Variants in HTR4 observed in about 807,000 individuals in gnomAD.
The protein encoded by HTR4 is 5-hydroxytryptamine (serotonin) receptor 4, G protein-coupled.
A neutral mutation model predicts 36.8 loss-of-function variants in HTR4; 16 were observed. That is an observed-to-expected ratio of 0.43 (90% CI 0.29 to 0.66). HTR4 has a LOEUF of 0.66. HTR4 is among the 30% of genes least tolerant of loss of function. HTR4 has a pLI of 0.13. For missense variants in HTR4, 438 were observed against 490.9 expected (o/e 0.89, Z 1.02); for synonymous variants, 189 against 185.1 (o/e 1.02, Z -0.17).
At chr5:148,534,148 A>G (rs889226880) in intron 4 of HTR4, among the ~76,000 whole-genome samples, 1 of 152,244 alleles carries the variant, frequency 6.6e-6, no homozygotes, top group Non-Finnish European at 1.5e-5. Context: ...ATAGATAACA[A>G]CAGGGTAAAC....
At chr5:148,506,319 A>G (rs1296294992) in intron 6 of HTR4, among the ~76,000 whole-genome samples, 2 of 152,242 alleles carry the variant, frequency 1.3e-5, no homozygotes, top group African/African-American at 4.8e-5. Context: ...CTGGCTAGCC[A>G]TAGGTAGAAA....
chr5:148,583,208 T>G (rs1332873217), intron 2 of HTR4, among the ~76,000 whole-genome samples: 55 of 149,720 alleles, frequency 3.7e-4, no homozygotes, highest in Non-Finnish European at 3.7e-4. Flanking sequence ...GGTTTTTGTC[T>G]TTGGTTCTGT....
At chr5:148,544,554 C>G (rs1488954953) in intron 4 of HTR4, among the ~76,000 whole-genome samples, 1 of 152,054 alleles carries the variant, frequency 6.6e-6, no homozygotes, top group Non-Finnish European at 1.5e-5. Flanking sequence ...ATCATGACTA[C>G]TTGGTTAGCT....
At chr5:148,493,061 T>C (rs1375920230) in intron 6 of HTR4, among the ~76,000 whole-genome samples, 3 of 152,206 alleles carry the variant, frequency 2.0e-5, no homozygotes, top group Non-Finnish European at 4.4e-5. Context: ...GCAGGTACAT[T>C]TTGCAAAAAG....
chr5:148,544,438 T>TC (rs979739772), intron 4 of HTR4, among the ~76,000 whole-genome samples: 3 of 152,214 alleles, frequency 2.0e-5, no homozygotes, highest in African/African-American at 7.2e-5. Flanking sequence ...TTGCTTTTTT[T>TC]CCCCCAACAT....
chr5:148,496,325 C>T (rs1180336957), intron 6 of HTR4, among the ~76,000 whole-genome samples: 23 of 151,946 alleles, frequency 1.5e-4, no homozygotes, highest in Non-Finnish European at 1.5e-5. Flanking sequence ...TACTAAGCTG[C>T]CAGATGATTC....
At chr5:148,561,835 A>C (rs1760227013) in intron 2 of HTR4, among the ~76,000 whole-genome samples, 1 of 152,188 alleles carries the variant, frequency 6.6e-6, no homozygotes, top group East Asian at 1.9e-4. Context: ...CCTAAGCATA[A>C]GCACTCAAGG....
At chr5:148,619,518 T>TTCAGA (rs1169448340) in intron 2 of HTR4, among the ~76,000 whole-genome samples, 1 of 152,214 alleles carries the variant, frequency 6.6e-6, no homozygotes, top group Non-Finnish European at 1.5e-5. Flanking sequence ...CTTGTTTTTG[T>TTCAGA]TCAGATTCTT....
At chr5:148,638,659 A>G (rs1305929330) in intron 1 of HTR4, among the ~76,000 whole-genome samples, 1 of 152,140 alleles carries the variant, frequency 6.6e-6, no homozygotes, top group Admixed American at 6.5e-5. Flanking sequence ...AGTGTTCTCT[A>G]TCTCAGTAAA....
At chr5:148,516,627 C>CTTT (rs3041922) in intron 5 of HTR4, among the ~76,000 whole-genome samples, 1 of 143,510 alleles carries the variant, frequency 7.0e-6, no homozygotes. Context: ...CAAAAATTCC[C>CTTT]TTTTTTTTTT....
intron 6 of HTR4, among the ~76,000 whole-genome samples, chr5:148,498,609 A>G (rs1484898641): frequency 6.6e-6 from 1 of 152,206 alleles, no homozygotes; most frequent in Non-Finnish European, 1.5e-5. Context: ...AAGGAATTGT[A>G]TACTCTAAAG....
intron 5 of HTR4, among the ~76,000 whole-genome samples, chr5:148,516,606 C>T (rs932097020): frequency 6.6e-6 from 1 of 151,170 alleles, no homozygotes; most frequent in South Asian, 2.1e-4. Flanking sequence ...GCGTGAGCCA[C>T]CGCACCTGGC....
intron 6 of HTR4, among the ~76,000 whole-genome samples, chr5:148,503,075 A>G (rs551203859): frequency 1.0e-3 from 155 of 152,340 alleles, no homozygotes; most frequent in African/African-American, 3.6e-3. Context: ...TCTGCAGGAT[A>G]TTATCCAGGA....
intron 5 of HTR4, chr5:148,462,063 AT>A (rs1755291774): frequency 6.6e-6 from 1 of 152,058 alleles, no homozygotes; most frequent in East Asian, 1.9e-4. Flanking sequence ...TTTGGACTAA[AT>A]GAAGAAAGAT....
chr5:148,591,166 C>T (rs1381959597), intron 2 of HTR4, among the ~76,000 whole-genome samples: 1 of 152,080 alleles, frequency 6.6e-6, no homozygotes, highest in East Asian at 1.9e-4. Context: ...TCTGGGCTCT[C>T]TATTATGTTC....
chr5:148,653,046 A>G (rs1379717167), intron 1 of HTR4, among the ~76,000 whole-genome samples: 3 of 151,980 alleles, frequency 2.0e-5, no homozygotes, highest in Admixed American at 1.3e-4. Context: ...ACGCAGCAAC[A>G]TCTCCCTTGG....
intron 2 of HTR4, among the ~76,000 whole-genome samples, chr5:148,600,976 C>CA (rs58003522): frequency 0.1 from 1,393 of 13,478 alleles, 245 homozygotes; most frequent in Middle Eastern, 0.3. Flanking sequence ...AACTCAATAG[C>CA]AAAAAAAAAA....
chr5:148,566,126 T>C (rs1760427936), intron 2 of HTR4, among the ~76,000 whole-genome samples: 1 of 152,186 alleles, frequency 6.6e-6, no homozygotes, highest in South Asian at 2.1e-4. Context: ...ATTTGGGTAT[T>C]GGTTACATAA....
At chr5:148,601,401 A>G (rs965273460) in intron 2 of HTR4, among the ~76,000 whole-genome samples, 3 of 152,218 alleles carry the variant, frequency 2.0e-5, no homozygotes, top group African/African-American at 7.2e-5. Flanking sequence ...TGTTCACCGC[A>G]GCATTTTTCA....
Sources: allele counts gnomAD v4.1 joint callset (sites outside exome capture counted in the v4.1 genomes callset), GRCh38; gene constraint gnomAD v4.1.1; transcripts MANE v1.5; gene names NCBI Gene and HGNC (gene_info 2026-07-23, HGNC 2026-07-21).